The following SPAG16 variants were observed in gnomAD, a reference collection of about 807,000 sequenced individuals.
SPAG16 encodes sperm associated antigen 16.
Under a neutral mutation model 80.4 loss-of-function variants are expected in SPAG16, and 86 were observed. The ratio of observed to expected loss-of-function variants is 1.07; its 90% confidence interval spans 0.90 to 1.28. The LOEUF is 1.28. Among genes scored for constraint, SPAG16 ranks in the 50% most tolerant of loss-of-function variants. SPAG16 has a pLI of 0.00. For synonymous variants in SPAG16, 294 were observed against 265.9 expected (o/e 1.11, Z -1.03); for missense variants, 870 against 765.3 (o/e 1.14, Z -1.61).
At chr2:213,710,427 A>G (rs1228202524) in intron 10 of SPAG16, among the ~76,000 whole-genome samples, 2 of 152,232 alleles carry the variant, frequency 1.3e-5, no homozygotes, top group East Asian at 3.8e-4. Context: ...AGTCTCTGGA[A>G]CAAGGGTATA....
chr2:214,110,667 G>A (rs1162451587), intron 14 of SPAG16, among the ~76,000 whole-genome samples: 3 of 152,182 alleles, frequency 2.0e-5, no homozygotes, highest in Non-Finnish European at 4.4e-5. Context: ...TGGGATGGCT[G>A]GGTCAAATGT....
chr2:214,175,754 C>A (rs941367084), intron 15 of SPAG16, among the ~76,000 whole-genome samples: 4 of 151,474 alleles, frequency 2.6e-5, no homozygotes, highest in African/African-American at 9.7e-5. Flanking sequence ...GTCAGAACAG[C>A]AAGGAGAAAA....
intron 9 of SPAG16, among the ~76,000 whole-genome samples, chr2:213,403,758 A>G (rs965600044): frequency 1.3e-5 from 2 of 152,190 alleles, no homozygotes; most frequent in Non-Finnish European, 2.9e-5. Context: ...GAAAAGAGGA[A>G]GTCAAATTGT....
intron 10 of SPAG16, among the ~76,000 whole-genome samples, chr2:213,550,549 G>A (rs1253148175): frequency 6.6e-6 from 1 of 151,944 alleles, no homozygotes; most frequent in Non-Finnish European, 1.5e-5. Flanking sequence ...TCAATCTCAT[G>A]GAAGAATATG....
At chr2:214,120,961 C>T (rs935664852) in intron 14 of SPAG16, among the ~76,000 whole-genome samples, 2 of 151,466 alleles carry the variant, frequency 1.3e-5, no homozygotes, top group Admixed American at 1.3e-4. Context: ...TCCCATAATC[C>T]ACACTGATTC....
At chr2:213,308,011 G>A (rs1381493309) in intron 3 of SPAG16, among the ~76,000 whole-genome samples, 3 of 152,122 alleles carry the variant, frequency 2.0e-5, no homozygotes, top group African/African-American at 4.8e-5. Context: ...AAGAGAAGGC[G>A]AAAGGAAAAT....
intron 15 of SPAG16, among the ~76,000 whole-genome samples, chr2:214,393,724 T>C (rs1047659501): frequency 3.3e-5 from 5 of 152,004 alleles, no homozygotes; most frequent in African/African-American, 9.7e-5. Flanking sequence ...TAATGTGAAA[T>C]TGGAAAAACA....
At chr2:213,391,018 C>T (rs1559081772) in intron 9 of SPAG16, among the ~76,000 whole-genome samples, 1 of 152,050 alleles carries the variant, frequency 6.6e-6, no homozygotes, top group Non-Finnish European at 1.5e-5. Context: ...GCCTGTAATC[C>T]CAGCACTTTG....
rs1392986102 is a variant in SPAG16 at position 213,350,590 on chromosome 2, C to G, written c.707C>G (p.Thr236Ser). 1.2e-6 allele frequency: 2 copies of G among 1,605,420 alleles called. No individual in the cohort carries two copies. Among genetic ancestry groups the G allele is most frequent in the Non-Finnish European group, 8.5e-7 (1 of 1,177,324 alleles). ...TIRVLHEKHH[T>S]LLKEKMLTSL... ...AGGGTGTTACATGAGAAACACCACA[C>G]TTTACTGAAGGAGAAAATGCTGACC... Residue 236 changes from threonine to serine, a missense_variant, in exon 7 of 16, where the codon ACT (threonine) becomes AGT (serine). Thr to Ser is a moderately conservative substitution (Grantham distance 58, BLOSUM62 1). Coordinates refer to ENST00000331683, the MANE Select transcript of SPAG16 (RefSeq NM_024532.5).
At chr2:214,310,950 A>G (rs1695257137) in intron 15 of SPAG16, among the ~76,000 whole-genome samples, 1 of 152,220 alleles carries the variant, frequency 6.6e-6, no homozygotes, top group Non-Finnish European at 1.5e-5. Flanking sequence ...TACAAGCCTA[A>G]GCAGTGGGCA....
intron 3 of SPAG16, among the ~76,000 whole-genome samples, chr2:213,298,239 C>T (rs1406258105): frequency 6.6e-6 from 1 of 152,148 alleles, no homozygotes; most frequent in East Asian, 1.9e-4. Flanking sequence ...AGGGCTGCAG[C>T]TCATAGTAAA....
Position 213,597,687 on chromosome 2 carries a change from C to T in SPAG16, c.1070+107597C>T, listed in dbSNP as rs919197975. 4.6e-5 allele frequency among the ~76,000 whole-genome samples: 7 copies of T among 151,988 alleles called. No homozygotes were observed. In the East Asian group the frequency reaches 5.8e-4, roughly 13 times the overall value. On this transcript the variant is annotated intron_variant, in intron 10 of 15. Coordinates refer to ENST00000331683, the MANE Select transcript of SPAG16 (RefSeq NM_024532.5). ...GTTTCTCCAAAATCTTTACAAATGC[C>T]GCTATTTCATTTAAGAAAAAAAAAT... is the stretch of plus-strand genomic sequence containing the variant.
intron 10 of SPAG16, among the ~76,000 whole-genome samples, chr2:213,655,318 T>A (rs963261124): frequency 5.3e-5 from 8 of 152,136 alleles, no homozygotes; most frequent in African/African-American, 1.9e-4. Flanking sequence ...TTTAAAAAAC[T>A]CTTTGAGCTG....
At chr2:214,132,034 G>A (rs954715824) in intron 14 of SPAG16, among the ~76,000 whole-genome samples, 2 of 152,138 alleles carry the variant, frequency 1.3e-5, no homozygotes, top group Admixed American at 6.6e-5. Context: ...TGCATGTGTA[G>A]GGGAGACAGG....
chr2:214,251,496 G>A (rs1009011000), intron 15 of SPAG16, among the ~76,000 whole-genome samples: 1 of 152,038 alleles, frequency 6.6e-6, no homozygotes, highest in Non-Finnish European at 1.5e-5. Flanking sequence ...ACTGAGTACA[G>A]CTGATAAAGA....
chr2:213,307,279 T>C (rs2062979071), intron 3 of SPAG16, among the ~76,000 whole-genome samples: 1 of 150,496 alleles, frequency 6.6e-6, no homozygotes, highest in Admixed American at 6.6e-5. Flanking sequence ...TATGTATACA[T>C]GTGCCATGCT....
At chr2:214,271,453 TCTC>T in intron 15 of SPAG16, among the ~76,000 whole-genome samples, 1 of 152,278 alleles carries the variant, frequency 6.6e-6, no homozygotes, top group East Asian at 1.9e-4. Flanking sequence ...TTATTTCTAA[TCTC>T]CTAATAAGCT....
At chr2:213,287,465 G>T (rs73074926) in intron 1 of SPAG16, among the ~76,000 whole-genome samples, 6 of 152,292 alleles carry the variant, frequency 3.9e-5, no homozygotes, top group South Asian at 2.1e-4. Context: ...TGTCTAAAGA[G>T]ACTTTGTTCA....
intron 1 of SPAG16, among the ~76,000 whole-genome samples, chr2:213,286,854 T>G (rs534648358): frequency 4.6e-4 from 70 of 152,238 alleles, no homozygotes; most frequent in African/African-American, 1.7e-3. Context: ...ATGAATAGAC[T>G]AATGTCCAAA....
Sources: allele counts gnomAD v4.1 joint callset (sites outside exome capture counted in the v4.1 genomes callset), GRCh38; gene constraint gnomAD v4.1.1; transcripts MANE v1.5; gene names NCBI Gene and HGNC (gene_info 2026-07-23, HGNC 2026-07-21).